The following HTR1F variants were observed in gnomAD, a reference collection of about 807,000 sequenced individuals.
HTR1F encodes 5-hydroxytryptamine (serotonin) receptor 1F, G protein-coupled.
HTR1F carries 17 observed loss-of-function variants against 24.0 expected under a neutral mutation model. The observed-to-expected ratio is 0.71, with a 90% confidence interval of 0.48 to 1.06. The LOEUF (loss-of-function observed/expected upper bound fraction) is 1.06. HTR1F is among the 50% of genes least tolerant of loss of function. The pLI is 0.00. For synonymous variants in HTR1F, 186 were observed against 156.8 expected, an observed-to-expected ratio of 1.19 and a Z score of -1.39; for missense variants, 391 against 427.8, an observed-to-expected ratio of 0.91 and a Z score of 0.76.
intron 2 of HTR1F, among the ~76,000 whole-genome samples, chr3:87,843,507 T>G (rs1704855442): frequency 6.8e-6 from 1 of 147,852 alleles, no homozygotes; most frequent in Admixed American, 6.7e-5. Context: ...CTGACTTTCT[T>G]TTTCTTTTTT....
At chr3:87,881,287 A>G (rs538184865) in intron 2 of HTR1F, among the ~76,000 whole-genome samples, 17 of 152,348 alleles carry the variant, frequency 1.1e-4, no homozygotes, top group Admixed American at 4.6e-4. Context: ...TGTCTCATGC[A>G]TGGCTTGGCG....
At chr3:87,844,116 A>G (rs1379399357) in intron 2 of HTR1F, among the ~76,000 whole-genome samples, 1 of 151,258 alleles carries the variant, frequency 6.6e-6, no homozygotes, top group African/African-American at 2.4e-5. Flanking sequence ...GACTTCCACA[A>G]TGGTTGAACT....
At chr3:87,903,569 A>C (rs1222683304) in intron 2 of HTR1F, among the ~76,000 whole-genome samples, 5 of 151,074 alleles carry the variant, frequency 3.3e-5, no homozygotes, top group Non-Finnish European at 4.4e-5. Flanking sequence ...TCAAAACCAC[A>C]ATGAGATACC....
intron 2 of HTR1F, among the ~76,000 whole-genome samples, chr3:87,937,829 C>A (rs1221604037): frequency 2.0e-5 from 3 of 151,198 alleles, no homozygotes; most frequent in Non-Finnish European, 4.4e-5. Context: ...GAGACTGAGG[C>A]AGGAGAATCG....
chr3:87,875,061 G>A (rs1187513423), intron 2 of HTR1F, among the ~76,000 whole-genome samples: 2 of 152,180 alleles, frequency 1.3e-5, no homozygotes, highest in African/African-American at 4.8e-5. Context: ...GAAGCATCTT[G>A]ATATTGGTCT....
chr3:87,857,175 T>G (rs1191234973), intron 2 of HTR1F, among the ~76,000 whole-genome samples: 1 of 152,064 alleles, frequency 6.6e-6, no homozygotes, highest in Non-Finnish European at 1.5e-5. Context: ...CAGATAAAAC[T>G]GTCTCAGGTT....
chr3:87,991,710 A>C lies in HTR1F; in HGVS notation c.961A>C (p.Lys321Gln). 2 of 1,613,956 alleles carry C rather than the reference A, an allele frequency of 1.2e-6. No individual in the cohort carries two copies. Among genetic ancestry groups the C allele is most frequent in the Non-Finnish European group, 8.5e-7 (1 of 1,179,910 alleles). ...VKELVVNVCDKCKISEEMSNF... is the reference protein window; with the variant it reads ...VKELVVNVCDQCKISEEMSNF... ...AGAATTAGTTGTTAATGTCTGTGACAAATGTAAAATTTCTGAAGAAATGTC... is the reference window on the plus strand; with the variant it reads ...AGAATTAGTTGTTAATGTCTGTGACCAATGTAAAATTTCTGAAGAAATGTC... Residue 321 changes from lysine (K) to glutamine (Q), a missense_variant, in exon 3 of 3, where the codon AAA becomes CAA. By Grantham distance (53) the Lys-to-Gln change is moderately conservative (BLOSUM62 1). Coordinates refer to ENST00000319595, the MANE Select transcript of HTR1F (RefSeq NM_001322209.2).
At chr3:87,935,505 GAA>G (rs374690867) in intron 2 of HTR1F, among the ~76,000 whole-genome samples, 4 of 130,682 alleles carry the variant, frequency 3.1e-5, no homozygotes, top group African/African-American at 8.3e-5. Context: ...GAGAAACAAA[GAA>G]AAAAAAAAAA....
intron 2 of HTR1F, among the ~76,000 whole-genome samples, chr3:87,846,003 C>A (rs1343261277): frequency 6.6e-6 from 1 of 151,918 alleles, no homozygotes; most frequent in Non-Finnish European, 1.5e-5. Context: ...TTTGATGGCA[C>A]ACTCACTATG....
chr3:87,817,168 A>G (rs1366658694), intron 1 of HTR1F, among the ~76,000 whole-genome samples: 1 of 152,138 alleles, frequency 6.6e-6, no homozygotes, highest in Non-Finnish European at 1.5e-5. Context: ...TCTTGTATTT[A>G]TCAATGTGTG....
At chr3:87,796,055 T>G (rs1292394670) in intron 1 of HTR1F, among the ~76,000 whole-genome samples, 5 of 152,318 alleles carry the variant, frequency 3.3e-5, no homozygotes, top group Non-Finnish European at 1.5e-5. Flanking sequence ...CAATAACTTC[T>G]TGCTATTCTG....
intron 2 of HTR1F, among the ~76,000 whole-genome samples, chr3:87,885,447 GCAAA>G (rs905353100): frequency 9.2e-5 from 14 of 152,206 alleles, no homozygotes; most frequent in African/African-American, 3.1e-4. Context: ...AGAAGCAACA[GCAAA>G]CAAATTCAAA....
chr3:87,920,460 A>C (rs1409765358), intron 2 of HTR1F, among the ~76,000 whole-genome samples: 4 of 152,012 alleles, frequency 2.6e-5, no homozygotes, highest in Non-Finnish European at 5.9e-5. Context: ...AGAAAATTTA[A>C]GAAAAATATT....
chr3:87,913,102 T>G (rs1703817208), intron 2 of HTR1F, among the ~76,000 whole-genome samples: 1 of 151,958 alleles, frequency 6.6e-6, no homozygotes, highest in African/African-American at 2.4e-5. Flanking sequence ...CCTAATTAAA[T>G]TTAAGAGCTT....
chr3:87,943,817 C>T (rs1375272348), intron 2 of HTR1F, among the ~76,000 whole-genome samples: 1 of 143,806 alleles, frequency 7.0e-6, no homozygotes, highest in Non-Finnish European at 1.5e-5. Context: ...CATGGCCAGG[C>T]GGTACTGCAG....
intron 2 of HTR1F, among the ~76,000 whole-genome samples, chr3:87,861,888 T>C (rs973815537): frequency 6.6e-6 from 1 of 152,174 alleles, no homozygotes; most frequent in Non-Finnish European, 1.5e-5. Flanking sequence ...ATTAATATTA[T>C]ACCACTGCAC....
At chr3:87,877,901 C>G (rs1304804817) in intron 2 of HTR1F, among the ~76,000 whole-genome samples, 2 of 152,170 alleles carry the variant, frequency 1.3e-5, no homozygotes, top group East Asian at 3.9e-4. Flanking sequence ...AAATTTCCAC[C>G]TCTTTCCAGA....
At chr3:87,795,018 AGTCTCT>A (rs1422991542) in intron 1 of HTR1F, among the ~76,000 whole-genome samples, 1 of 107,832 alleles carries the variant, frequency 9.3e-6, no homozygotes, top group Non-Finnish European at 1.7e-5. Flanking sequence ...TTTGAGATGG[AGTCTCT>A]GTCTCCACGC....
intron 2 of HTR1F, among the ~76,000 whole-genome samples, chr3:87,901,080 G>T (rs545586239): frequency 6.6e-6 from 1 of 152,162 alleles, no homozygotes; most frequent in Non-Finnish European, 1.5e-5. Context: ...GTTTGACTTC[G>T]CAACAGTGCA....
Sources: gnomAD v4.1 joint callset for allele counts (sites outside exome capture counted in the v4.1 genomes callset) on GRCh38, gnomAD v4.1.1 for gene constraint, MANE v1.5 for transcripts, NCBI Gene and HGNC (gene_info 2026-07-23, HGNC 2026-07-21) for gene names.